Variants in PHACTR1 observed in about 807,000 individuals in gnomAD.
PHACTR1 encodes the protein phosphatase and actin regulator 1.
PHACTR1 carries 16 observed loss-of-function variants against 69.2 expected under a neutral mutation model. That is an observed-to-expected ratio of 0.23 (90% CI 0.16 to 0.35). The LOEUF (loss-of-function observed/expected upper bound fraction) is 0.35. Among genes scored for constraint, PHACTR1 ranks in the 10% least tolerant of loss-of-function variants. The pLI is 1.00. For synonymous variants in PHACTR1, 312 were observed against 284.5 expected (o/e 1.10, Z -0.97); for missense variants, 510 against 734.7 (o/e 0.69, Z 3.54).
intron 5 of PHACTR1, among the ~76,000 whole-genome samples, chr6:13,120,688 A>C (rs1471814517): frequency 6.6e-6 from 1 of 152,208 alleles, no homozygotes; most frequent in East Asian, 1.9e-4. Context: ...CTGTGGCTGC[A>C]GAGGGCATGC....
chr6:12,951,199 TCAGGCCCTGC>T (rs1405474917), intron 4 of PHACTR1, among the ~76,000 whole-genome samples: 1 of 152,188 alleles, frequency 6.6e-6, no homozygotes, highest in Non-Finnish European at 1.5e-5. Context: ...CTCATTCCTG[TCAGGCCCTGC>T]CTTCATTCTG....
At chr6:13,017,062 T>G (rs1800279981) in intron 4 of PHACTR1, among the ~76,000 whole-genome samples, 3 of 152,006 alleles carry the variant, frequency 2.0e-5, no homozygotes, top group African/African-American at 7.2e-5. Context: ...GGCACATACC[T>G]GTAATCCCAG....
intron 4 of PHACTR1, among the ~76,000 whole-genome samples, chr6:13,035,119 C>T (rs569946106): frequency 6.6e-6 from 1 of 152,176 alleles, no homozygotes. Flanking sequence ...CTTTGTTAGT[C>T]AATTTAGCTA....
At chr6:13,086,114 G>GAAAAAA in intron 5 of PHACTR1, among the ~76,000 whole-genome samples, 1 of 94,836 alleles carries the variant, frequency 1.1e-5, no homozygotes, top group Non-Finnish European at 2.0e-5. Context: ...AAAGCTAAAA[G>GAAAAAA]GAAAAGTACA....
At chr6:13,036,580 G>C (rs1411349446) in intron 4 of PHACTR1, among the ~76,000 whole-genome samples, 1 of 152,158 alleles carries the variant, frequency 6.6e-6, no homozygotes, top group Non-Finnish European at 1.5e-5. Flanking sequence ...CATGTGAAAA[G>C]CCAATGGTCA....
At chr6:12,727,888 T>G (rs1044633997) in intron 3 of PHACTR1, among the ~76,000 whole-genome samples, 1 of 152,228 alleles carries the variant, frequency 6.6e-6, no homozygotes, top group Non-Finnish European at 1.5e-5. Flanking sequence ...AACCATGGAA[T>G]GAATATTTGT....
chr6:13,272,754 G>GA, intron 10 of PHACTR1, 106 bp from the exon 11 acceptor site: 1 of 1,612,926 alleles, frequency 6.2e-7, no homozygotes, highest in Non-Finnish European at 8.5e-7. Flanking sequence ...GATGGAACAA[G>GA]AACTCCAGCC....
chr6:13,273,594 T>TA (rs11386996), intron 11 of PHACTR1: 24,588 of 147,454 alleles, frequency 0.17, 2,231 homozygotes, highest in South Asian at 0.34. Context: ...CTTGGTGCTT[T>TA]AAAAAAAAAA....
At chr6:13,250,558 C>T (rs976860028) in intron 10 of PHACTR1, among the ~76,000 whole-genome samples, 7 of 152,208 alleles carry the variant, frequency 4.6e-5, no homozygotes, top group African/African-American at 1.4e-4. Context: ...GCTGGCTGTG[C>T]AGACAGACTG....
intron 4 of PHACTR1, among the ~76,000 whole-genome samples, chr6:12,897,040 C>T (rs1194063837): frequency 1.3e-5 from 2 of 152,150 alleles, no homozygotes; most frequent in African/African-American, 4.8e-5. Context: ...CCAGGGCAGA[C>T]GTGGAAATGT....
chr6:12,775,333 T>A (rs557704659), intron 4 of PHACTR1, among the ~76,000 whole-genome samples: 22 of 151,886 alleles, frequency 1.4e-4, no homozygotes, highest in African/African-American at 5.1e-4. Context: ...AATTGTTTTT[T>A]AAAAAATATT....
chr6:13,104,309 T>C lies in PHACTR1; in HGVS notation c.415+50780T>C, dbSNP rs558845984. Among the ~76,000 whole-genome samples, 7 of 152,310 alleles carry C rather than the reference T, an allele frequency of 4.6e-5. No individual in the cohort carries two copies. The South Asian group carries it at 1.5e-3, about 32-fold the overall frequency. On this transcript the variant is annotated intron_variant, in intron 5 of 14. Transcript: ENST00000332995. ...GGAAAGGTAAAAAAGAAAAAAAATTTATTAAAGCAAATGTTTTATGTAATC... is the reference window on the plus strand; with the variant it reads ...GGAAAGGTAAAAAAGAAAAAAAATTCATTAAAGCAAATGTTTTATGTAATC...
At chr6:12,728,820 T>TA (rs1763124897) in intron 3 of PHACTR1, among the ~76,000 whole-genome samples, 1 of 152,156 alleles carries the variant, frequency 6.6e-6, no homozygotes, top group South Asian at 2.1e-4. Flanking sequence ...ACTGCACACT[T>TA]ACAGACCACT....
At chr6:12,759,701 A>C (rs1767816316) in intron 4 of PHACTR1, among the ~76,000 whole-genome samples, 1 of 152,230 alleles carries the variant, frequency 6.6e-6, no homozygotes, top group African/African-American at 2.4e-5. Context: ...TTACCCACAC[A>C]GTCATAAAAT....
intron 4 of PHACTR1, among the ~76,000 whole-genome samples, chr6:12,909,012 A>G (rs1158026254): frequency 1.3e-5 from 2 of 152,196 alleles, no homozygotes; most frequent in African/African-American, 4.8e-5. Flanking sequence ...GGAAACAGAA[A>G]TGATCAGTGC....
chr6:13,115,001 A>T (rs1190534405), intron 5 of PHACTR1, among the ~76,000 whole-genome samples: 7 of 152,202 alleles, frequency 4.6e-5, no homozygotes, highest in Admixed American at 3.9e-4. Flanking sequence ...GGTTAAAAAA[A>T]ATTATGTAAG....
intron 4 of PHACTR1, among the ~76,000 whole-genome samples, chr6:12,802,494 C>A (rs1391328906): frequency 6.6e-6 from 1 of 151,920 alleles, no homozygotes; most frequent in Non-Finnish European, 1.5e-5. Flanking sequence ...AGAAGAGGAG[C>A]AATTAGAGAT....
chr6:12,752,444 C>A (rs965808606), intron 4 of PHACTR1, among the ~76,000 whole-genome samples: 5 of 152,104 alleles, frequency 3.3e-5, no homozygotes, highest in African/African-American at 1.2e-4. Flanking sequence ...CAATCCTGCC[C>A]CCAAACAATT....
chr6:12,789,399 A>T (rs1160491282), intron 4 of PHACTR1, among the ~76,000 whole-genome samples: 1 of 151,942 alleles, frequency 6.6e-6, no homozygotes, highest in Non-Finnish European at 1.5e-5. Flanking sequence ...TTTTTTTAAC[A>T]TTGGAGTATC....
Sources: gnomAD v4.1 joint callset for allele counts (sites outside exome capture counted in the v4.1 genomes callset) on GRCh38, gnomAD v4.1.1 for gene constraint, MANE v1.5 for transcripts, NCBI Gene and HGNC (gene_info 2026-07-23, HGNC 2026-07-21) for gene names.